TUBB3: variants seen among roughly 807,000 people sequenced by gnomAD.
The protein encoded by TUBB3 is tubulin beta-3 chain.
A neutral mutation model predicts 37.8 loss-of-function variants in TUBB3; 17 were observed. The ratio of observed to expected loss-of-function variants is 0.45; its 90% CI spans 0.31 to 0.67. The LOEUF is 0.67. Ranked by LOEUF, TUBB3 falls within the 30% of genes least tolerant of loss-of-function variation. The pLI, the probability that TUBB3 is intolerant of heterozygous loss-of-function variation, is 0.07. For missense variants in TUBB3, 262 were observed against 657.9 expected (o/e 0.40, Z 6.58); for synonymous variants, 332 against 278.9 (o/e 1.19, Z -1.90).
At chr16:89,929,381 T>C (rs2030202222) in intron 1 of TUBB3, among the ~76,000 whole-genome samples, 1 of 152,074 alleles carries the variant, frequency 6.6e-6, no homozygotes, top group Admixed American at 6.6e-5. Flanking sequence ...TGACCTCTGA[T>C]AACAGTCTCA....
At chr16:89,930,854 G>A (rs1227159907) in intron 1 of TUBB3, among the ~76,000 whole-genome samples, 2 of 147,166 alleles carry the variant, frequency 1.4e-5, no homozygotes, top group Non-Finnish European at 3.0e-5. Context: ...TTGAGATGGT[G>A]TCTCACTCTG....
Position 89,935,126 on chromosome 16 carries a change from C to T in TUBB3, c.675C>T (p.Leu225=). 6.2e-7 allele frequency: 1 copy of T among 1,614,158 alleles called. No individual in the cohort carries two copies. The highest frequency in any genetic ancestry group is 8.5e-7 in the Non-Finnish European group (1 of 1,180,036). Residue 225 remains leucine (L), a synonymous_variant, in exon 4 of 4, where the codon CTC becomes CTT. Coordinates refer to ENST00000315491, the MANE Select transcript of TUBB3 (RefSeq NM_006086.4). ...TGGCCACGCCCACCTACGGGGACCT[C>T]AACCACCTGGTATCGGCCACCATGA... is the stretch of plus-strand genomic sequence containing the variant. ...LKLATPTYGD[L]NHLVSATMSG...
At position 89,935,075 on chromosome 16, in the gene TUBB3, C is replaced by G; in HGVS notation, c.624C>G (p.Tyr208Ter). ...ACTGCATCGACAACGAGGCGCTCTACGACATCTGCTTCCGCACCCTCAAGC... is the reference window on the plus strand; with the variant it reads ...ACTGCATCGACAACGAGGCGCTCTAGGACATCTGCTTCCGCACCCTCAAGC... Reference protein sequence around the residue: ...ETYCIDNEALYDICFRTLKLA... With the variant: ...ETYCIDNEAL Residue 208 changes from tyrosine to a stop codon, truncating the protein, a stop_gained, in exon 4 of 4, where the codon TAC becomes TAG. Transcript: ENST00000315491. LOFTEE classifies it high-confidence loss of function. The G allele has an allele frequency of 6.2e-7, 1 of 1,614,216 alleles. No homozygotes were observed. Among genetic ancestry groups the G allele is most frequent in the African/African-American group, 1.3e-5 (1 of 75,062 alleles).
intron 1 of TUBB3, among the ~76,000 whole-genome samples, chr16:89,931,107 A>G (rs28695470): frequency 0.2 from 30,054 of 152,104 alleles, 5,640 homozygotes; most frequent in African/African-American, 0.49. Context: ...GATTACAGGC[A>G]TGAGCCACTG....
intron 1 of TUBB3, among the ~76,000 whole-genome samples, chr16:89,927,666 T>C (rs1025373266): frequency 6.6e-6 from 1 of 152,198 alleles, no homozygotes; most frequent in African/African-American, 2.4e-5. Context: ...GTGCTGAATG[T>C]TTTCATGTCA....
At chr16:89,926,618 G>C (rs987021567) in intron 1 of TUBB3, among the ~76,000 whole-genome samples, 2 of 152,272 alleles carry the variant, frequency 1.3e-5, no homozygotes, top group Non-Finnish European at 2.9e-5. Context: ...CTGTCGCCCG[G>C]GCTGGCGTCC....
chr16:89,931,416 CA>C (rs941158802), intron 1 of TUBB3, among the ~76,000 whole-genome samples: 1 of 152,230 alleles, frequency 6.6e-6, no homozygotes, highest in African/African-American at 2.4e-5. Context: ...AGAGGTCAGG[CA>C]GCCCTGGGAA....
intron 1 of TUBB3, among the ~76,000 whole-genome samples, chr16:89,928,961 CT>C (rs35314343): frequency 4.8e-3 from 656 of 135,844 alleles, no homozygotes; most frequent in Admixed American, 5.2e-3. Context: ...CGCGCCCGGC[CT>C]TTTTTTTTTT....
intron 1 of TUBB3, among the ~76,000 whole-genome samples, chr16:89,925,883 CG>C (rs914495406): frequency 1.3e-5 from 2 of 152,206 alleles, no homozygotes; most frequent in African/African-American, 4.8e-5. Context: ...AGCCGGGTCC[CG>C]GGCGGTCACG....
At chr16:89,924,120 C>G (rs1489097133) in intron 1 of TUBB3, among the ~76,000 whole-genome samples, 1 of 152,238 alleles carries the variant, frequency 6.6e-6, no homozygotes, top group African/African-American at 2.4e-5. Context: ...GTCTACCAGT[C>G]TGGGGATTGG....
At chr16:89,932,707 C>G in intron 2 of TUBB3, 28 bp downstream of exon 2, 1 of 1,584,130 alleles carries the variant, frequency 6.3e-7, no homozygotes. Context: ...CCTCCCTATC[C>G]CAGCCCTGGA....
In TUBB3 at chr16:89,933,565, C is replaced by A; in HGVS notation, c.264C>A (p.Asp88Glu). The change falls in exon 3 of 4, where the codon GAC becomes GAA. Residue 88 changes from aspartate to glutamate, a missense_variant. Coordinates refer to ENST00000315491, the MANE Select transcript of TUBB3 (RefSeq NM_006086.4). The stretch of plus-strand genomic sequence containing the variant: ...CCTTTGGACATCTCTTCAGGCCTGA[C>A]AATTTCATCTTTGGTAAGTTCCCCC... The part of the protein sequence containing the change: ...SGAFGHLFRP[D>E]NFIFGQSGAG... 2 of 1,613,896 alleles carry A rather than the reference C, an allele frequency of 1.2e-6. No homozygotes were observed. Among genetic ancestry groups the A allele is most frequent in the Non-Finnish European group, 1.7e-6 (2 of 1,179,806 alleles).
chr16:89,930,700 C>T (rs1239091237), intron 1 of TUBB3, among the ~76,000 whole-genome samples: 6 of 151,806 alleles, frequency 4.0e-5, no homozygotes, highest in Admixed American at 6.6e-5. Context: ...CACCTGGCCT[C>T]TATTTATTTA....
At chr16:89,934,144 G>A (rs988972109) in intron 3 of TUBB3, 30 of 332,308 alleles carry the variant, frequency 9.0e-5, no homozygotes, top group Admixed American at 6.6e-4. Flanking sequence ...GTCCTGGGGC[G>A]GGGCCGTGGA....
At chr16:89,927,383 TAAA>T (rs879448062) in intron 1 of TUBB3, among the ~76,000 whole-genome samples, 1 of 140,388 alleles carries the variant, frequency 7.1e-6, no homozygotes, top group East Asian at 2.0e-4. Context: ...AGACCCTATC[TAAA>T]AAAAAAAAAG....
intron 1 of TUBB3, among the ~76,000 whole-genome samples, chr16:89,926,849 C>T (rs184201018): frequency 8.5e-4 from 130 of 152,220 alleles, no homozygotes; most frequent in African/African-American, 2.8e-3. Context: ...TCCTGAGTAG[C>T]TGGGATTACA....
At chr16:89,928,680 G>A (rs4586435) in intron 1 of TUBB3, among the ~76,000 whole-genome samples, 37,521 of 151,710 alleles carry the variant, frequency 0.25, 6,576 homozygotes, top group African/African-American at 0.5. Context: ...GCCCGCCACC[G>A]CGCCTGGCTA....
At chr16:89,931,374 A>C (rs988610640) in intron 1 of TUBB3, among the ~76,000 whole-genome samples, 4 of 152,042 alleles carry the variant, frequency 2.6e-5, no homozygotes, top group Non-Finnish European at 2.9e-5. Context: ...TCTAAAAGTC[A>C]CTCCTGAGGA....
chr16:89,933,624 G>C, intron 3 of TUBB3, 46 bp downstream of exon 3: 1 of 1,479,730 alleles, frequency 6.8e-7, no homozygotes, highest in Non-Finnish European at 9.5e-7. Flanking sequence ...CCCATCACAG[G>C]CAAGCCCAGG....
Sources: gnomAD v4.1 joint callset for allele counts (sites outside exome capture counted in the v4.1 genomes callset) on GRCh38, gnomAD v4.1.1 for gene constraint, MANE v1.5 for transcripts, NCBI Gene and HGNC (gene_info 2026-07-23, HGNC 2026-07-21) for gene names.